Variants in DPYD observed in about 807,000 individuals in gnomAD.
DPYD encodes the protein dihydropyrimidine dehydrogenase, also known as dihydropyrimidine dehydrogenase [NADP(+)].
Under a neutral mutation model 116.2 loss-of-function variants are expected in DPYD, and 109 were observed. The ratio of observed to expected loss-of-function variants is 0.94; its 90% confidence interval spans 0.80 to 1.10. The LOEUF (loss-of-function observed/expected upper bound fraction) is 1.10. Ranked by LOEUF, DPYD falls within the 50% of genes least tolerant of loss-of-function variation. The probability of loss-of-function intolerance (pLI) is 0.00; values close to 1 mark genes in which losing one functional copy is unlikely to be tolerated. For missense variants in DPYD, 1,302 were observed against 1,254.5 expected (o/e 1.04, Z -0.57); for synonymous variants, 440 against 432.0 (o/e 1.02, Z -0.23).
intron 8 of DPYD, among the ~76,000 whole-genome samples, chr1:97,616,490 C>T (rs1656275089): frequency 6.6e-6 from 1 of 151,950 alleles, no homozygotes; most frequent in Non-Finnish European, 1.5e-5. Flanking sequence ...CCAGAGAGAC[C>T]ACACGGAGAT....
At chr1:97,288,484 G>T (rs1379703674) in intron 18 of DPYD, among the ~76,000 whole-genome samples, 1 of 152,110 alleles carries the variant, frequency 6.6e-6, no homozygotes, top group South Asian at 2.1e-4. Flanking sequence ...ATAACAAACT[G>T]TCTCTCAGAC....
At chr1:97,552,367 T>C (rs1404958237) in intron 11 of DPYD, among the ~76,000 whole-genome samples, 1 of 152,034 alleles carries the variant, frequency 6.6e-6, no homozygotes, top group Non-Finnish European at 1.5e-5. Flanking sequence ...CATAGAACAA[T>C]TCACTTTAAC....
chr1:97,691,932 C>T (rs1661030149), intron 6 of DPYD, 134 bp from the exon 7 acceptor site: 5 of 716,182 alleles, frequency 7.0e-6, no homozygotes, highest in South Asian at 1.5e-5. Context: ...TTATATATCA[C>T]ACAAGATATG....
chr1:97,203,122 G>A (rs1659325495), intron 19 of DPYD, among the ~76,000 whole-genome samples: 1 of 152,172 alleles, frequency 6.6e-6, no homozygotes, highest in Non-Finnish European at 1.5e-5. Flanking sequence ...TACTAACATC[G>A]TTTCTCACCA....
At chr1:97,389,104 T>C (rs1672524527) in intron 14 of DPYD, among the ~76,000 whole-genome samples, 1 of 151,880 alleles carries the variant, frequency 6.6e-6, no homozygotes, top group Non-Finnish European at 1.5e-5. Context: ...AGAGAACTAG[T>C]TATGGGTTTG....
chr1:97,517,854 T>C (rs1246627391), intron 12 of DPYD, among the ~76,000 whole-genome samples: 1 of 152,142 alleles, frequency 6.6e-6, no homozygotes, highest in African/African-American at 2.4e-5. Flanking sequence ...CTTTACAAGG[T>C]GAAATAAGTG....
intron 12 of DPYD, among the ~76,000 whole-genome samples, chr1:97,516,395 T>C (rs1332124957): frequency 2.6e-5 from 4 of 152,034 alleles, no homozygotes; most frequent in Non-Finnish European, 5.9e-5. Flanking sequence ...AATAAGTCCC[T>C]GTCTTTTCTT....
At chr1:97,140,926 G>GT (rs1242585437) in intron 20 of DPYD, among the ~76,000 whole-genome samples, 2 of 152,134 alleles carry the variant, frequency 1.3e-5, no homozygotes, top group East Asian at 1.9e-4. Flanking sequence ...CTATAATACT[G>GT]TTTTTTCCCA....
At chr1:97,423,511 T>C (rs1674695506) in intron 14 of DPYD, among the ~76,000 whole-genome samples, 2 of 152,092 alleles carry the variant, frequency 1.3e-5, no homozygotes. Flanking sequence ...CATGGGCAAT[T>C]GTGAGCACTG....
At chr1:97,677,239 G>T (rs995249316) in intron 8 of DPYD, among the ~76,000 whole-genome samples, 1 of 151,930 alleles carries the variant, frequency 6.6e-6, no homozygotes, top group Admixed American at 6.6e-5. Context: ...TATTTTATTG[G>T]TCCATATTCC....
intron 4 of DPYD, among the ~76,000 whole-genome samples, chr1:97,735,566 T>G (rs539906645): frequency 2.0e-5 from 3 of 149,544 alleles, no homozygotes; most frequent in Non-Finnish European, 4.4e-5. Context: ...CGGGTGCCTG[T>G]AGTCCCAGGT....
chr1:97,166,177 A>G (rs548000360), intron 20 of DPYD, among the ~76,000 whole-genome samples: 12 of 152,366 alleles, frequency 7.9e-5, no homozygotes, highest in African/African-American at 2.9e-4. Context: ...AAGTCATTAA[A>G]TCAACCTAAA....
chr1:97,319,552 T>C (rs1333688410), intron 16 of DPYD, among the ~76,000 whole-genome samples: 4 of 140,820 alleles, frequency 2.8e-5, no homozygotes, highest in African/African-American at 8.2e-5. Context: ...AATCTCTGAA[T>C]AGACCAATAA....
chr1:97,226,517 T>A (rs1661176035), intron 19 of DPYD, among the ~76,000 whole-genome samples: 2 of 152,106 alleles, frequency 1.3e-5, no homozygotes, highest in South Asian at 4.1e-4. Context: ...TTAGAATAAA[T>A]GTATTCAATA....
intron 19 of DPYD, among the ~76,000 whole-genome samples, chr1:97,195,547 A>AGG: frequency 7.6e-6 from 1 of 131,182 alleles, no homozygotes; most frequent in Non-Finnish European, 1.6e-5. Context: ...AGAGAGAGAG[A>AGG]GAGAGAGAGA....
intron 14 of DPYD, among the ~76,000 whole-genome samples, chr1:97,427,110 A>G (rs1352223337): frequency 1.3e-5 from 2 of 152,110 alleles, no homozygotes; most frequent in African/African-American, 4.8e-5. Context: ...AAGAAAATTC[A>G]TATCTACAAC....
At chr1:97,813,791 T>C (rs1668439790) in intron 3 of DPYD, among the ~76,000 whole-genome samples, 1 of 152,166 alleles carries the variant, frequency 6.6e-6, no homozygotes, top group Non-Finnish European at 1.5e-5. Flanking sequence ...TTTAAATATC[T>C]GTATATAATT....
At chr1:97,875,800 T>C (rs1671883151) in intron 2 of DPYD, among the ~76,000 whole-genome samples, 1 of 152,164 alleles carries the variant, frequency 6.6e-6, no homozygotes, top group Admixed American at 6.6e-5. Context: ...TAACATTTGT[T>C]AGAAATAAGA....
intron 10 of DPYD, among the ~76,000 whole-genome samples, chr1:97,586,508 ATATATATATATG>A (rs1405262053): frequency 1.5e-4 from 17 of 114,268 alleles, no homozygotes; most frequent in African/African-American, 3.6e-4. Context: ...ATATATATAT[ATATATATATATG>A]CTGTGAAAAA....
Sources: allele counts gnomAD v4.1 joint callset (sites outside exome capture counted in the v4.1 genomes callset), GRCh38; gene constraint gnomAD v4.1.1; transcripts MANE v1.5; gene names NCBI Gene and HGNC (gene_info 2026-07-23, HGNC 2026-07-21).